Variants in UBAP1 observed in about 807,000 individuals in gnomAD.
UBAP1 encodes ubiquitin-associated protein 1.
UBAP1 carries 5 observed loss-of-function variants against 39.0 expected under a neutral mutation model. The observed-to-expected ratio is 0.13, with a 90% CI of 0.07 to 0.27. The LOEUF (loss-of-function observed/expected upper bound fraction) is 0.27, where lower values mean the gene tolerates loss of function less well. Ranked by LOEUF, UBAP1 falls within the 10% of genes least tolerant of loss-of-function variation. The pLI is 1.00. For missense variants in UBAP1, 490 were observed against 608.1 expected (o/e 0.81, Z 2.04); for synonymous variants, 211 against 225.1 (o/e 0.94, Z 0.56).
chr9:34,212,526 A>T (rs1387091501), intron 1 of UBAP1, among the ~76,000 whole-genome samples: 1 of 152,000 alleles, frequency 6.6e-6, no homozygotes, highest in Non-Finnish European at 1.5e-5. Flanking sequence ...AGACACTCTT[A>T]GTGCCATCAC....
chr9:34,238,734 A>AT (rs938847935), intron 3 of UBAP1, among the ~76,000 whole-genome samples: 1 of 152,118 alleles, frequency 6.6e-6, no homozygotes, highest in African/African-American at 2.4e-5. Context: ...TTGTGTAAGA[A>AT]TTTTTTTATT....
rs749332901 is a variant in UBAP1, at chr9:34,234,332, G to A, written c.151G>A (p.Glu51Lys). The A allele has an allele frequency of 1.9e-6, 3 of 1,601,962 alleles. No homozygotes were observed. The highest frequency in any genetic ancestry group is 3.6e-5 in the Admixed American group (2 of 55,948). The change falls in exon 3 of 7, where the codon GAA becomes AAA. Residue 51 changes from glutamate to lysine, a missense_variant. Glu to Lys is a moderately conservative substitution (Grantham distance 56). This residue lies in a region of UBAP1 where 144 missense variants were observed against 184.4 expected (regional missense o/e 0.78). Coordinates refer to ENST00000297661, the MANE Select transcript of UBAP1 (RefSeq NM_016525.5). ...SLPDCLQVVR[E>K]VQYDFSLEKK... Reference sequence around the variant, plus strand: ...GCCTGATTGTTTGCAGGTTGTCAGAGAAGTACAGGTAAGTGGTAATTTTTA... The same window carrying A: ...GCCTGATTGTTTGCAGGTTGTCAGAAAAGTACAGGTAAGTGGTAATTTTTA...
At chr9:34,183,437 C>T (rs1482440076) in intron 1 of UBAP1, among the ~76,000 whole-genome samples, 3 of 150,756 alleles carry the variant, frequency 2.0e-5, no homozygotes, top group African/African-American at 4.9e-5. Context: ...CCCAGCTACT[C>T]GGGAGGCTGA....
At chr9:34,237,009 ATTC>A (rs1046260491) in intron 3 of UBAP1, among the ~76,000 whole-genome samples, 1 of 152,044 alleles carries the variant, frequency 6.6e-6, no homozygotes, top group African/African-American at 2.4e-5. Context: ...CACCTGGAAT[ATTC>A]TTTTTCTCAC....
chr9:34,223,727 T>C (rs2131586033), intron 2 of UBAP1, among the ~76,000 whole-genome samples: 1 of 152,310 alleles, frequency 6.6e-6, no homozygotes, highest in East Asian at 1.9e-4. Context: ...AGTGTTGGGG[T>C]TACAGGCGTG....
At chr9:34,181,893 C>T (rs1051353044) in intron 1 of UBAP1, among the ~76,000 whole-genome samples, 1 of 150,274 alleles carries the variant, frequency 6.7e-6, no homozygotes, top group Non-Finnish European at 1.5e-5. Flanking sequence ...ATTTTGAAGA[C>T]AGAGTATTCT....
chr9:34,195,077 AT>A (rs1218324994), intron 1 of UBAP1, among the ~76,000 whole-genome samples: 1 of 148,564 alleles, frequency 6.7e-6, no homozygotes, highest in African/African-American at 2.5e-5. Flanking sequence ...ACATACACGG[AT>A]TTTTTTCTTT....
At chr9:34,211,017 A>C (rs1436681566) in intron 1 of UBAP1, among the ~76,000 whole-genome samples, 1 of 152,176 alleles carries the variant, frequency 6.6e-6, no homozygotes, top group African/African-American at 2.4e-5. Context: ...TGGATCAGTA[A>C]GAAAAAAAAT....
intron 2 of UBAP1, among the ~76,000 whole-genome samples, chr9:34,232,647 T>C (rs1447853958): frequency 6.6e-6 from 1 of 151,922 alleles, no homozygotes; most frequent in Non-Finnish European, 1.5e-5. Context: ...TCCCAGGAAA[T>C]GGGAGTGATG....
chr9:34,248,463 G>A (rs1371658753), intron 4 of UBAP1, among the ~76,000 whole-genome samples: 1 of 152,214 alleles, frequency 6.6e-6, no homozygotes, highest in Non-Finnish European at 1.5e-5. Context: ...CCTGGCTGGG[G>A]AATGTCATGT....
intron 1 of UBAP1, among the ~76,000 whole-genome samples, chr9:34,212,425 A>ACACACACACT (rs397894815): frequency 3.6e-5 from 5 of 139,178 alleles, no homozygotes; most frequent in Admixed American, 1.4e-4. Flanking sequence ...ACACACACAC[A>ACACACACACT]CTTATAGTTA....
intron 1 of UBAP1, among the ~76,000 whole-genome samples, chr9:34,207,048 CTTTTTTTT>C (rs34197502): frequency 1.1e-5 from 1 of 90,056 alleles, no homozygotes; most frequent in South Asian, 3.9e-4. Context: ...ATTGTTATTT[CTTTTTTTT>C]TTTTTTTTTT....
intron 5 of UBAP1, among the ~76,000 whole-genome samples, chr9:34,250,405 G>A (rs1587894035): frequency 6.6e-6 from 1 of 152,176 alleles, no homozygotes; most frequent in Non-Finnish European, 1.5e-5. Flanking sequence ...CCATTCTGGT[G>A]GGCGTGTCAG....
chr9:34,195,935 T>TTTTG (rs1831021361), intron 1 of UBAP1, among the ~76,000 whole-genome samples: 2 of 53,804 alleles, frequency 3.7e-5, no homozygotes, highest in African/African-American at 1.0e-4. Flanking sequence ...TGGTTTTTTT[T>TTTTG]TTTTTTTTTT....
intron 2 of UBAP1, among the ~76,000 whole-genome samples, chr9:34,225,647 G>T (rs1432351459): frequency 3.3e-5 from 5 of 151,890 alleles, no homozygotes; most frequent in Non-Finnish European, 5.9e-5. Context: ...GAGCATGGTG[G>T]CTGGTGCCTG....
At chr9:34,240,669 AATAG>A (rs1366630049) in intron 3 of UBAP1, among the ~76,000 whole-genome samples, 1 of 152,176 alleles carries the variant, frequency 6.6e-6, no homozygotes, top group African/African-American at 2.4e-5. Flanking sequence ...ATCATAATCT[AATAG>A]ATAGTGGTTT....
intron 1 of UBAP1, among the ~76,000 whole-genome samples, chr9:34,196,404 C>T (rs1831058586): frequency 6.6e-6 from 1 of 151,550 alleles, no homozygotes; most frequent in African/African-American, 2.4e-5. Context: ...CAACCTCTGC[C>T]TCCTGGGTTC....
At chr9:34,200,065 C>T (rs1490991989) in intron 1 of UBAP1, among the ~76,000 whole-genome samples, 1 of 152,028 alleles carries the variant, frequency 6.6e-6, no homozygotes, top group African/African-American at 2.4e-5. Flanking sequence ...AGTCCTTCCC[C>T]CCGCTCCCAG....
intron 1 of UBAP1, among the ~76,000 whole-genome samples, chr9:34,188,656 T>A (rs1830547827): frequency 1.3e-5 from 2 of 152,014 alleles, no homozygotes; most frequent in Non-Finnish European, 2.9e-5. Flanking sequence ...TATTGGAAAC[T>A]CAAGATTAGT....
Sources: gnomAD v4.1 joint callset for allele counts (sites outside exome capture counted in the v4.1 genomes callset) on GRCh38, gnomAD v4.1.1 for gene constraint, gnomAD v4.1.1 regional missense constraint, MANE v1.5 for transcripts, NCBI Gene and HGNC (gene_info 2026-07-23, HGNC 2026-07-21) for gene names.